Variants in CDKAL1 observed in about 807,000 individuals in gnomAD.
CDKAL1 encodes CDKAL1 threonylcarbamoyladenosine tRNA methylthiotransferase, also known as threonylcarbamoyladenosine tRNA methylthiotransferase.
Under a neutral mutation model 68.2 loss-of-function variants are expected in CDKAL1, and 32 were observed. The ratio of observed to expected loss-of-function variants is 0.47; its 90% CI spans 0.35 to 0.63. The LOEUF is 0.63. CDKAL1 is among the 30% of genes least tolerant of loss of function. The pLI, the probability that CDKAL1 is intolerant of heterozygous loss-of-function variation, is 0.00. For synonymous variants in CDKAL1, 234 were observed against 244.3 expected (o/e 0.96, Z 0.39); for missense variants, 606 against 696.7 (o/e 0.87, Z 1.47).
intron 10 of CDKAL1, among the ~76,000 whole-genome samples, chr6:20,988,182 A>ATATGTGTGTG (rs3223730): frequency 7.3e-6 from 1 of 137,388 alleles, no homozygotes; most frequent in Admixed American, 7.5e-5. Context: ...GAAACATAAT[A>ATATGTGTGTG]TGTGTGTGTG....
chr6:20,818,057 G>T (rs1233009211), intron 8 of CDKAL1, among the ~76,000 whole-genome samples: 4 of 152,196 alleles, frequency 2.6e-5, no homozygotes, highest in East Asian at 1.9e-4. Flanking sequence ...TCATAGTGTG[G>T]TGTCAGCTGT....
intron 7 of CDKAL1, among the ~76,000 whole-genome samples, chr6:20,760,483 A>G (rs1774415134): frequency 6.6e-6 from 1 of 152,222 alleles, no homozygotes; most frequent in African/African-American, 2.4e-5. Flanking sequence ...TCATAATAGT[A>G]CTGTGAAGTG....
chr6:21,034,315 G>T (rs552615322), intron 11 of CDKAL1, among the ~76,000 whole-genome samples: 2 of 152,246 alleles, frequency 1.3e-5, no homozygotes, highest in East Asian at 3.9e-4. Flanking sequence ...CTCAGTTAAG[G>T]AGCAGTGTTA....
intron 9 of CDKAL1, among the ~76,000 whole-genome samples, chr6:20,942,448 A>G (rs1581879124): frequency 6.7e-6 from 1 of 148,876 alleles, no homozygotes; most frequent in African/African-American, 2.5e-5. Context: ...GCTCACTGCA[A>G]CCTTCCTCTC....
intron 4 of CDKAL1, among the ~76,000 whole-genome samples, chr6:20,609,309 C>CCTT (rs1766492063): frequency 3.4e-5 from 5 of 148,596 alleles, no homozygotes; most frequent in Admixed American, 6.7e-5. Flanking sequence ...TCCTCCTCCT[C>CCTT]CTCCCCCCTC....
At chr6:20,623,622 A>G (rs941568204) in intron 4 of CDKAL1, among the ~76,000 whole-genome samples, 1 of 152,120 alleles carries the variant, frequency 6.6e-6, no homozygotes, top group South Asian at 2.1e-4. Flanking sequence ...TATGTTTTAC[A>G]AAGTGAATCA....
intron 10 of CDKAL1, among the ~76,000 whole-genome samples, chr6:20,986,388 G>T (rs953069916): frequency 6.6e-6 from 1 of 152,052 alleles, no homozygotes; most frequent in African/African-American, 2.4e-5. Flanking sequence ...TTTCAGCAAT[G>T]ATTAGTTTTT....
intron 5 of CDKAL1, among the ~76,000 whole-genome samples, chr6:20,702,671 C>A (rs574676031): frequency 5.1e-4 from 77 of 152,074 alleles, no homozygotes; most frequent in Admixed American, 2.0e-4. Context: ...TTTTCTTCGC[C>A]GATGTGTTCC....
chr6:20,960,329 A>G (rs1325400039), intron 10 of CDKAL1, among the ~76,000 whole-genome samples: 2 of 152,166 alleles, frequency 1.3e-5, no homozygotes, highest in Non-Finnish European at 2.9e-5. Flanking sequence ...GAAAGGTTAG[A>G]TAACTGGCTA....
At chr6:21,099,832 C>CTT (rs1773494793) in intron 12 of CDKAL1, among the ~76,000 whole-genome samples, 1 of 152,216 alleles carries the variant, frequency 6.6e-6, no homozygotes, top group Admixed American at 6.5e-5. Context: ...GGCCTAACTG[C>CTT]TAGTAAAGGC....
At chr6:21,170,388 G>A (rs1220087012) in intron 13 of CDKAL1, among the ~76,000 whole-genome samples, 5 of 152,164 alleles carry the variant, frequency 3.3e-5, no homozygotes, top group Non-Finnish European at 7.4e-5. Flanking sequence ...AGGCTGGAGT[G>A]CAGTGATCTT....
At chr6:20,655,400 C>G (rs564641219) in intron 5 of CDKAL1, among the ~76,000 whole-genome samples, 16 of 152,240 alleles carry the variant, frequency 1.1e-4, no homozygotes, top group South Asian at 4.1e-4. Context: ...AATACATTGA[C>G]TTGAGATGGA....
At chr6:20,546,239 G>C (rs1270143198) in intron 2 of CDKAL1, 107 bp from the exon 3 acceptor site, 2 of 792,412 alleles carry the variant, frequency 2.5e-6, no homozygotes, top group South Asian at 2.1e-5. Context: ...TTTGAAGTTA[G>C]ATCCAAAGGC....
chr6:20,929,289 T>C (rs1454128174), intron 9 of CDKAL1, among the ~76,000 whole-genome samples: 1 of 152,194 alleles, frequency 6.6e-6, no homozygotes, highest in African/African-American at 2.4e-5. Flanking sequence ...CTACTCCAGG[T>C]CTTCCCTGGG....
intron 9 of CDKAL1, among the ~76,000 whole-genome samples, chr6:20,923,082 T>C: frequency 6.6e-6 from 1 of 152,048 alleles, no homozygotes; most frequent in African/African-American, 2.4e-5. Flanking sequence ...GTCTTCTCTC[T>C]CTCTCTCTTT....
intron 9 of CDKAL1, among the ~76,000 whole-genome samples, chr6:20,902,816 C>A (rs534197874): frequency 6.6e-6 from 1 of 152,156 alleles, no homozygotes; most frequent in East Asian, 1.9e-4. Context: ...AGGGGGGTGA[C>A]GGCAGGTCAT....
intron 8 of CDKAL1, among the ~76,000 whole-genome samples, chr6:20,830,522 A>G (rs912805828): frequency 3.9e-5 from 6 of 152,198 alleles, no homozygotes; most frequent in Non-Finnish European, 7.4e-5. Flanking sequence ...CCAAATTTAA[A>G]AATATAATAC....
intron 4 of CDKAL1, among the ~76,000 whole-genome samples, chr6:20,645,563 G>A (rs1262587090): frequency 2.6e-5 from 4 of 151,636 alleles, no homozygotes; most frequent in Admixed American, 2.6e-4. Flanking sequence ...AACCCCGTCT[G>A]TACTAAAAAT....
intron 9 of CDKAL1, among the ~76,000 whole-genome samples, chr6:20,887,770 CT>C (rs535626148): frequency 1.5e-4 from 23 of 149,170 alleles, no homozygotes; most frequent in African/African-American, 4.9e-4. Flanking sequence ...AAGATCTTTC[CT>C]TTTTTTCTTT....
Sources: allele counts gnomAD v4.1 joint callset (sites outside exome capture counted in the v4.1 genomes callset), GRCh38; gene constraint gnomAD v4.1.1; transcripts MANE v1.5; gene names NCBI Gene and HGNC (gene_info 2026-07-23, HGNC 2026-07-21).